Variants in BMP7 observed in about 807,000 individuals in gnomAD.
BMP7 encodes osteogenic protein 1.
In BMP7, 12 loss-of-function variants were observed where a neutral mutation model predicts 41.2. The ratio of observed to expected loss-of-function variants is 0.29; its 90% CI spans 0.19 to 0.47. The LOEUF is 0.47. Among genes scored for constraint, BMP7 ranks in the 20% least tolerant of loss-of-function variants. The pLI, the probability that BMP7 is intolerant of heterozygous loss-of-function variation, is 0.99. For missense variants in BMP7, 467 were observed against 606.0 expected (o/e 0.77, Z 2.41); for synonymous variants, 248 against 250.0 (o/e 0.99, Z 0.07).
chr20:57,176,261 T>C (rs772974827), intron 4 of BMP7, among the ~76,000 whole-genome samples: 7 of 152,020 alleles, frequency 4.6e-5, no homozygotes, highest in Non-Finnish European at 8.8e-5. Context: ...CTGAAGATGG[T>C]GGGGTGGGGC....
At chr20:57,179,660 C>T (rs974205807) in intron 4 of BMP7, among the ~76,000 whole-genome samples, 1 of 152,260 alleles carries the variant, frequency 6.6e-6, no homozygotes, top group African/African-American at 2.4e-5. Flanking sequence ...GGCTCCAGCC[C>T]AAAACCGGGG....
chr20:57,264,676 C>T (rs116722619), intron 1 of BMP7, among the ~76,000 whole-genome samples: 2,641 of 152,280 alleles, frequency 0.017, 74 homozygotes, highest in African/African-American at 0.06. Context: ...GCGCGCCACA[C>T]GTGGTAAATG....
rs1983850074 is a variant in BMP7 at position 57,173,228 on chromosome 20, G to T, written c.1118C>A (p.Ala373Asp). Residue 373 changes from alanine (A) to aspartate (D), a missense_variant, in exon 6 of 7, where the codon GCC becomes GAC. By Grantham distance (126) the Ala-to-Asp change is moderately radical. This residue lies in a region of BMP7 where 60 missense variants were observed against 120.1 expected (regional missense o/e 0.50). Transcript: ENST00000395863. Reference protein sequence around the residue: ...CAFPLNSYMNATNHAIVQTLV... With the variant: ...CAFPLNSYMNDTNHAIVQTLV... ...CGTCTGCACGATGGCGTGGTTGGTGGCGTTCATGTAGGAGTTCAGAGGGAA... is the reference window on the plus strand; with the variant it reads ...CGTCTGCACGATGGCGTGGTTGGTGTCGTTCATGTAGGAGTTCAGAGGGAA... 6.2e-7 allele frequency: 1 copy of T among 1,614,054 alleles called. No individual in the cohort carries two copies. The highest frequency in any genetic ancestry group is 8.5e-7 in the Non-Finnish European group (1 of 1,180,042).
At chr20:57,263,289 G>C (rs1216201056) in intron 1 of BMP7, among the ~76,000 whole-genome samples, 2 of 152,208 alleles carry the variant, frequency 1.3e-5, no homozygotes, top group East Asian at 3.8e-4. Context: ...CAGACAAGCC[G>C]GTCTTTGTCC....
chr20:57,263,806 G>GT (rs948164992), intron 1 of BMP7, among the ~76,000 whole-genome samples: 64 of 146,194 alleles, frequency 4.4e-4, no homozygotes, highest in African/African-American at 1.8e-3. Context: ...AATACACATT[G>GT]TTTTAAAAAA....
At position 57,243,393 on chromosome 20, in the gene BMP7, C is replaced by T. The variant is rs190999451; in HGVS notation, c.419-14972G>A. The stretch of plus-strand genomic sequence containing the variant: ...ACTCAGGAGGCTGAGGCACAAGAAT[C>T]GCTTGAACCCAGGAGGCAGAGGTTG... On this transcript the variant is annotated intron_variant, in intron 1 of 6. Transcript: ENST00000395863. Among the ~76,000 whole-genome samples the T allele has an allele frequency of 5.9e-5, 9 of 152,194 alleles. No individual in the cohort carries two copies. In the East Asian group the frequency reaches 1.4e-3, roughly 23 times the overall value.
intron 4 of BMP7, among the ~76,000 whole-genome samples, chr20:57,182,093 G>A (rs1209088259): frequency 1.3e-5 from 2 of 152,228 alleles, no homozygotes; most frequent in East Asian, 3.9e-4. Context: ...GGGCTCCTTG[G>A]ATCTGGGAGG....
chr20:57,266,040 A>AGGGCGGAGCGCAGCAGGAACAGGGGT lies in BMP7; in HGVS notation c.57_82dup (p.Leu28HisfsTer116). ...CTCGTTGTCCAGGCTGAAGTCGGCC[A>AGGGCGGAGCGCAGCAGGAACAGGGGT]GGGCGGAGCGCAGCAGGAACAGGGG... On this transcript the variant is annotated frameshift_variant, in exon 1 of 7. Coordinates refer to ENST00000395863, the MANE Select transcript of BMP7 (RefSeq NM_001719.3). LOFTEE classifies it high-confidence loss of function. 6.5e-7 allele frequency: 1 copy of AGGGCGGAGCGCAGCAGGAACAGGGGT among 1,545,140 alleles called. No individual in the cohort carries two copies. The highest frequency in any genetic ancestry group is 8.7e-7 in the Non-Finnish European group (1 of 1,146,858).
rs1432299683 is a variant in BMP7 at position 57,169,792 on chromosome 20, T to A, written c.*1167A>T. On this transcript the variant is annotated 3_prime_UTR_variant, in exon 7 of 7. Coordinates refer to ENST00000395863, the MANE Select transcript of BMP7 (RefSeq NM_001719.3). ...TTTCTTTTGAGATGGAGTCTTGTTT[T>A]GTCACCCAAGCTGGAGTGCAGTGGG... 1 of 152,140 alleles carries A rather than the reference T, an allele frequency of 6.6e-6. No homozygotes were observed. The highest frequency in any genetic ancestry group is 1.9e-4 in the East Asian group (1 of 5,180). 9.4% of individuals were successfully genotyped at this position (152,140 alleles called of 1,614,324 possible). A position where few individuals can be genotyped will look rare whatever the true frequency, so the allele number is the denominator to read the frequency against.
rs1555814376 is a variant in BMP7, at chr20:57,213,167, G to A, written c.612-10544C>T. ...CGGCTGTCTGTCTCCCTCTGGGCAG[G>A]GCCAGCTGACTGCAGACAGCACCAA... On this transcript the variant is annotated intron_variant, in intron 2 of 6. Coordinates refer to ENST00000395863, the MANE Select transcript of BMP7 (RefSeq NM_001719.3). This position sits in a 1 kb window ranked among gnomAD's most constrained non-coding sequence, Gnocchi z 4.4. Among the ~76,000 whole-genome samples, 2 of 152,142 alleles carry A rather than the reference G, an allele frequency of 1.3e-5. No homozygotes were observed. Among genetic ancestry groups the A allele is most frequent in the Non-Finnish European group, 2.9e-5 (2 of 68,040 alleles).
In BMP7 at chr20:57,175,913, G is replaced by A. The variant is rs116816951; in HGVS notation, c.959-906C>T. Among the ~76,000 whole-genome samples the A allele has an allele frequency of 5.7e-4, 87 of 152,278 alleles. 1 individual carries two copies. Among genetic ancestry groups the A allele is most frequent in the African/African-American group, 2.0e-3 (83 of 41,548 alleles). The stretch of plus-strand genomic sequence containing the variant: ...CCACCGCAGGGCTCTTGCATGTGCC[G>A]TTTCCTCCACCTGCAATGCCCCTCC... On this transcript the variant is annotated intron_variant, in intron 4 of 6. Coordinates refer to ENST00000395863, the MANE Select transcript of BMP7 (RefSeq NM_001719.3).
chr20:57,216,347 A>C (rs1392028637), intron 2 of BMP7, among the ~76,000 whole-genome samples: 1 of 152,152 alleles, frequency 6.6e-6, no homozygotes, highest in African/African-American at 2.4e-5. Context: ...TTTGTCTGAG[A>C]GGTGACCCCA....
At chr20:57,209,257 A>ATATATATATATATATATATT (rs1984821973) in intron 2 of BMP7, among the ~76,000 whole-genome samples, 1 of 109,328 alleles carries the variant, frequency 9.1e-6, no homozygotes, top group Non-Finnish European at 1.6e-5. Flanking sequence ...TTTTATATAT[A>ATATATATATATATATATATT]TATATATATA....
intron 2 of BMP7, among the ~76,000 whole-genome samples, chr20:57,227,178 T>C (rs2066010607): frequency 6.6e-6 from 1 of 152,190 alleles, no homozygotes; most frequent in Non-Finnish European, 1.5e-5. Flanking sequence ...GCTCCAGCTT[T>C]GCAAACCTGG....
chr20:57,266,109 G>A lies in BMP7; in HGVS notation c.14C>T (p.Ser5Leu), dbSNP rs957467613. 6.5e-7 allele frequency: 1 copy of A among 1,534,622 alleles called. No homozygotes were observed. MHVR[S>L]LRAAAPHSFV... ...GCTGTGCGGCGCCGCAGCTCGCAGT[G>A]AGCGCACGTGCATCGCGCCGGCTCT... is the stretch of plus-strand genomic sequence containing the variant. The change falls in exon 1 of 7, where the codon TCA becomes TTA. Residue 5 changes from serine to leucine, a missense_variant. Ser to Leu is a moderately radical substitution (Grantham distance 145). Around this residue, in one of 2 missense-constraint regions of BMP7, gnomAD observed 407 missense variants for 485.9 expected, o/e 0.84. Transcript: ENST00000395863.
chr20:57,258,664 G>A (rs2066143099), intron 1 of BMP7, among the ~76,000 whole-genome samples: 1 of 152,108 alleles, frequency 6.6e-6, no homozygotes, highest in Non-Finnish European at 1.5e-5. Context: ...TGCTAAAATT[G>A]GGGAAAAGAT....
Position 57,174,866 on chromosome 20 carries a change from C to A in BMP7, c.1035+65G>T. 6.6e-7 allele frequency: 1 copy of A among 1,516,762 alleles called. No individual in the cohort carries two copies. The highest frequency in any genetic ancestry group is 1.2e-5 in the South Asian group (1 of 85,460). 94.0% of individuals were successfully genotyped at this position (1,516,762 alleles called of 1,614,324 possible). On this transcript the variant is annotated intron_variant, in intron 5 of 6. Transcript: ENST00000395863. The surrounding 1 kb of genome is among the most constrained non-coding windows in gnomAD (Gnocchi z 4.3). ...ATGAGAAACAAGACTGAGCACAGACCCGCTGCCTCGTGGGAGCCCACGCCA... is the reference window on the plus strand; with the variant it reads ...ATGAGAAACAAGACTGAGCACAGACACGCTGCCTCGTGGGAGCCCACGCCA...
chr20:57,173,644 AACAT>A (rs1983859921), intron 5 of BMP7: 3 of 375,674 alleles, frequency 8.0e-6, no homozygotes, highest in African/African-American at 2.6e-5. Flanking sequence ...TTTCTAAAAA[AACAT>A]AAAATAAAAA....
intron 1 of BMP7, among the ~76,000 whole-genome samples, chr20:57,229,556 A>G (rs2180781): frequency 6.6e-6 from 1 of 151,884 alleles, no homozygotes; most frequent in African/African-American, 2.4e-5. Flanking sequence ...AGGAATGACA[A>G]TGGGAGCCAC....
Sources: allele counts gnomAD v4.1 joint callset (sites outside exome capture counted in the v4.1 genomes callset), GRCh38; gene constraint gnomAD v4.1.1; regional missense constraint gnomAD v4.1.1; non-coding constraint Gnocchi (gnomAD v3.1); transcripts MANE v1.5; gene names NCBI Gene and HGNC (gene_info 2026-07-23, HGNC 2026-07-21).